The following FRAS1 variants were observed in gnomAD, a reference collection of about 807,000 sequenced individuals.
FRAS1 encodes the protein Fraser extracellular matrix complex subunit 1.
In FRAS1, 290 loss-of-function variants were observed where a neutral mutation model predicts 435.2. That is an observed-to-expected ratio of 0.67 (90% CI 0.61 to 0.73). The LOEUF is 0.73. Ranked by LOEUF, FRAS1 falls within the 30% of genes least tolerant of loss-of-function variation. The probability of loss-of-function intolerance (pLI) is 0.00; values close to 1 mark genes in which losing one functional copy is unlikely to be tolerated. For synonymous variants in FRAS1, 1,800 were observed against 1,851.0 expected, an observed-to-expected ratio of 0.97 and a Z score of 0.71; for missense variants, 4,860 against 5,001.5, an observed-to-expected ratio of 0.97 and a Z score of 0.85.
chr4:78,111,837 A>G (rs13106100), intron 2 of FRAS1, among the ~76,000 whole-genome samples: 42,533 of 151,408 alleles, frequency 0.28, 6,347 homozygotes, highest in African/African-American at 0.36. Flanking sequence ...AGACAGAAAG[A>G]AAAAACGTAG....
At chr4:78,511,205 G>T (rs1223132342) in intron 63 of FRAS1, 69 bp from the exon 64 acceptor site, 27 of 1,238,288 alleles carry the variant, frequency 2.2e-5, no homozygotes, top group Non-Finnish European at 2.7e-5. Context: ...AGATTAACTT[G>T]AACCAGATCA....
intron 58 of FRAS1, among the ~76,000 whole-genome samples, chr4:78,485,200 A>G (rs1378818134): frequency 6.6e-6 from 1 of 152,204 alleles, no homozygotes; most frequent in Admixed American, 6.5e-5. Context: ...GTGAGGATTA[A>G]ATTAGATAAA....
chr4:78,314,887 A>G (rs1253270640), intron 15 of FRAS1, among the ~76,000 whole-genome samples: 2 of 151,762 alleles, frequency 1.3e-5, no homozygotes, highest in Non-Finnish European at 2.9e-5. Flanking sequence ...TTGAATTTTC[A>G]TTGTGCCTAT....
rs189101679 is a variant in FRAS1 at position 78,298,259 on chromosome 4, G to A, written c.1535-9807G>A. On this transcript the variant is annotated intron_variant, in intron 14 of 73. Transcript: ENST00000512123. Reference sequence around the variant, plus strand: ...TAAATGTATATTATTAAATATATAAGGTACATATTTAAGGTATACAATGTG... The same window carrying A: ...TAAATGTATATTATTAAATATATAAAGTACATATTTAAGGTATACAATGTG... Among the ~76,000 whole-genome samples the A allele has an allele frequency of 1.8e-4, 27 of 147,648 alleles. No individual in the cohort carries two copies. The East Asian group carries it at 5.0e-3, about 27-fold the overall frequency.
chr4:78,127,297 G>T (rs1175969333), intron 2 of FRAS1, among the ~76,000 whole-genome samples: 5 of 152,134 alleles, frequency 3.3e-5, no homozygotes, highest in African/African-American at 9.7e-5. Flanking sequence ...GATAATCCTA[G>T]GCTTGCTAAT....
chr4:78,076,791 G>C (rs1258464633), intron 2 of FRAS1, among the ~76,000 whole-genome samples: 1 of 152,148 alleles, frequency 6.6e-6, no homozygotes, highest in African/African-American at 2.4e-5. Context: ...ATAGGAAAAA[G>C]AGGGAAACTC....
At chr4:78,512,709 A>T (rs1335648395) in intron 64 of FRAS1, among the ~76,000 whole-genome samples, 2 of 152,236 alleles carry the variant, frequency 1.3e-5, no homozygotes, top group African/African-American at 4.8e-5. Context: ...GCCAATATAA[A>T]TAAGTTACAG....
chr4:78,529,190 A>G (rs1560427657), intron 70 of FRAS1, among the ~76,000 whole-genome samples: 1 of 152,146 alleles, frequency 6.6e-6, no homozygotes. Flanking sequence ...TCATGGCAGG[A>G]ACAATGCCAG....
At chr4:78,213,713 G>A (rs1040698511) in intron 2 of FRAS1, among the ~76,000 whole-genome samples, 2 of 152,140 alleles carry the variant, frequency 1.3e-5, no homozygotes, top group Admixed American at 1.3e-4. Flanking sequence ...GGAAGAAGTT[G>A]ATAGACAGTT....
chr4:78,204,577 A>G (rs997703329), intron 2 of FRAS1, among the ~76,000 whole-genome samples: 12 of 152,218 alleles, frequency 7.9e-5, no homozygotes, highest in Admixed American at 7.2e-4. Flanking sequence ...TCAAGAACCA[A>G]TGTGAGTGTC....
chr4:78,409,615 C>T (rs551951787), intron 31 of FRAS1, among the ~76,000 whole-genome samples: 4 of 152,034 alleles, frequency 2.6e-5, no homozygotes, highest in South Asian at 2.1e-4. Context: ...AGACCTCTGG[C>T]GAGCATGATT....
intron 29 of FRAS1, among the ~76,000 whole-genome samples, chr4:78,394,860 T>G (rs1036501176): frequency 6.6e-6 from 1 of 152,068 alleles, no homozygotes; most frequent in Non-Finnish European, 1.5e-5. Context: ...TGCATTTATT[T>G]GTGTCTTATT....
chr4:78,213,619 T>C (rs1318752266), intron 2 of FRAS1, among the ~76,000 whole-genome samples: 1 of 152,240 alleles, frequency 6.6e-6, no homozygotes, highest in Non-Finnish European at 1.5e-5. Context: ...ATAACAGATA[T>C]ACTTGACTGC....
At chr4:78,400,299 G>A (rs1164634571) in intron 29 of FRAS1, among the ~76,000 whole-genome samples, 2 of 152,192 alleles carry the variant, frequency 1.3e-5, no homozygotes, top group Non-Finnish European at 2.9e-5. Context: ...TTATGTGTCT[G>A]TCTCTCCCAC....
intron 2 of FRAS1, among the ~76,000 whole-genome samples, chr4:78,184,968 A>G (rs1342159719): frequency 6.6e-6 from 1 of 152,204 alleles, no homozygotes; most frequent in African/African-American, 2.4e-5. Flanking sequence ...TTGACATGAA[A>G]AACCATCACA....
At chr4:78,109,492 CA>C (rs1340067473) in intron 2 of FRAS1, among the ~76,000 whole-genome samples, 1 of 151,324 alleles carries the variant, frequency 6.6e-6, no homozygotes, top group Non-Finnish European at 1.5e-5. Context: ...GAGCCAAAGA[CA>C]AAAACCACAT....
intron 14 of FRAS1, among the ~76,000 whole-genome samples, chr4:78,299,022 A>G (rs935229981): frequency 7.2e-5 from 11 of 152,238 alleles, no homozygotes; most frequent in African/African-American, 2.7e-4. Flanking sequence ...AGTAGTGACA[A>G]CTTAGGAAAT....
At chr4:78,263,731 A>G (rs958317133) in intron 6 of FRAS1, among the ~76,000 whole-genome samples, 1 of 152,252 alleles carries the variant, frequency 6.6e-6, no homozygotes, top group African/African-American at 2.4e-5. Context: ...CCATTAAACA[A>G]TCAGTGGTCA....
intron 2 of FRAS1, among the ~76,000 whole-genome samples, chr4:78,191,994 A>G (rs1040543830): frequency 6.6e-6 from 1 of 152,202 alleles, no homozygotes; most frequent in African/African-American, 2.4e-5. Context: ...TAGTGCTGCA[A>G]TAAACATACG....
Sources: gnomAD v4.1 joint callset for allele counts (sites outside exome capture counted in the v4.1 genomes callset) on GRCh38, gnomAD v4.1.1 for gene constraint, MANE v1.5 for transcripts, NCBI Gene and HGNC (gene_info 2026-07-23, HGNC 2026-07-21) for gene names.